The following RASSF9 variants were observed in gnomAD, a reference collection of about 807,000 sequenced individuals.
RASSF9 encodes ras association domain-containing protein 9.
Under a neutral mutation model 21.4 loss-of-function variants are expected in RASSF9, and 18 were observed. The observed-to-expected ratio is 0.84, with a 90% CI of 0.58 to 1.25. The LOEUF (loss-of-function observed/expected upper bound fraction) is 1.25, where lower values mean the gene tolerates loss of function less well. RASSF9 is among the 50% of genes most tolerant of loss of function. The pLI, the probability that RASSF9 is intolerant of heterozygous loss-of-function variation, is 0.00. For missense variants in RASSF9, 480 were observed against 503.2 expected (o/e 0.95, Z 0.44); for synonymous variants, 183 against 179.1 (o/e 1.02, Z -0.18).
chr12:85,836,030 G>C, intron 1 of RASSF9, 125 bp downstream of exon 1: 1 of 1,520,344 alleles, frequency 6.6e-7, no homozygotes, highest in Non-Finnish European at 8.8e-7. Context: ...TCCCCACGAA[G>C]CCTTTTTTTA....
In RASSF9 at chr12:85,805,069, T is replaced by G; in HGVS notation, c.941A>C (p.Asn314Thr). Residue 314 changes from asparagine to threonine, a missense_variant, in exon 2 of 2, where the codon AAT becomes ACT. Transcript: ENST00000361228. Reference sequence around the variant, plus strand: ...CAAATCACACTTAACACTCTCTAAATTAGAGCTTTCCAGTTCACTTGCAGC... The same window carrying G: ...CAAATCACACTTAACACTCTCTAAAGTAGAGCTTTCCAGTTCACTTGCAGC... ...GEAASELESS[N>T]LESVKCDLEK... The G allele has an allele frequency of 6.2e-7, 1 of 1,614,014 alleles. No individual in the cohort carries two copies. Among genetic ancestry groups the G allele is most frequent in the Non-Finnish European group, 8.5e-7 (1 of 1,179,900 alleles).
At chr12:85,827,385 C>A (rs1300197782) in intron 1 of RASSF9, among the ~76,000 whole-genome samples, 1 of 152,138 alleles carries the variant, frequency 6.6e-6, no homozygotes, top group Admixed American at 6.6e-5. Flanking sequence ...TTTGCCTATA[C>A]TACTGTAATG....
intron 1 of RASSF9, among the ~76,000 whole-genome samples, chr12:85,828,216 CAG>C (rs769866769): frequency 2.6e-5 from 4 of 151,982 alleles, no homozygotes; most frequent in Non-Finnish European, 4.4e-5. Context: ...ACAAGTCTGA[CAG>C]AGTGAGATTT....
chr12:85,829,427 T>A (rs370643694), intron 1 of RASSF9, among the ~76,000 whole-genome samples: 1 of 152,190 alleles, frequency 6.6e-6, no homozygotes, highest in East Asian at 1.9e-4. Flanking sequence ...GACAATGTTA[T>A]ATAAATACAC....
At chr12:85,819,324 C>T (rs1475724169) in intron 1 of RASSF9, among the ~76,000 whole-genome samples, 3 of 151,978 alleles carry the variant, frequency 2.0e-5, no homozygotes, top group African/African-American at 7.2e-5. Flanking sequence ...CAGGCACGAG[C>T]CACAGTGCCT....
intron 1 of RASSF9, among the ~76,000 whole-genome samples, chr12:85,815,802 T>C (rs113462165): frequency 0.069 from 10,571 of 152,144 alleles, 536 homozygotes; most frequent in Middle Eastern, 0.18. Flanking sequence ...TTGGTTTTTT[T>C]CTTGTAAATT....
At position 85,815,175 on chromosome 12, in the gene RASSF9, GA is replaced by G. The variant is rs530228710; in HGVS notation, c.48-9214del. Among the ~76,000 whole-genome samples the G allele has an allele frequency of 2.4e-3, 358 of 149,516 alleles. 1 individual carries two copies. The highest frequency in any genetic ancestry group is 8.3e-3 in the African/African-American group (341 of 40,868). On this transcript the variant is annotated intron_variant, in intron 1 of 1. Coordinates refer to ENST00000361228, the MANE Select transcript of RASSF9 (RefSeq NM_005447.4). ...ACAACTGTACGAAATGAGAGAGAGAGAAAAAAAAACCAAAAACCTCTGGTTT... is the reference window on the plus strand; with the variant it reads ...ACAACTGTACGAAATGAGAGAGAGAGAAAAAAAACCAAAAACCTCTGGTTT...
chr12:85,830,949 T>C (rs1395103914), intron 1 of RASSF9, among the ~76,000 whole-genome samples: 1 of 152,144 alleles, frequency 6.6e-6, no homozygotes, highest in East Asian at 1.9e-4. Context: ...TGTGTTTGGA[T>C]GTCAAGAAAT....
At chr12:85,832,333 C>G (rs1257656318) in intron 1 of RASSF9, among the ~76,000 whole-genome samples, 2 of 151,826 alleles carry the variant, frequency 1.3e-5, no homozygotes. Flanking sequence ...CCAACCAATT[C>G]TCTGTCTCCA....
intron 1 of RASSF9, among the ~76,000 whole-genome samples, chr12:85,820,741 A>C (rs1037180017): frequency 6.6e-6 from 1 of 152,234 alleles, no homozygotes; most frequent in African/African-American, 2.4e-5. Context: ...TACGTATTGA[A>C]CATCAATCTA....
chr12:85,819,115 CA>C (rs200876603), intron 1 of RASSF9, among the ~76,000 whole-genome samples: 2,952 of 151,836 alleles, frequency 0.019, 102 homozygotes, highest in African/African-American at 0.067. Context: ...TGTAAACCTA[CA>C]AAAAAATATA....
At chr12:85,832,092 T>G (rs2136564815) in intron 1 of RASSF9, among the ~76,000 whole-genome samples, 1 of 152,038 alleles carries the variant, frequency 6.6e-6, no homozygotes, top group East Asian at 1.9e-4. Flanking sequence ...GTACGTTTTG[T>G]GAAAGCCGAA....
chr12:85,832,247 T>C (rs1375603247), intron 1 of RASSF9, among the ~76,000 whole-genome samples: 3 of 151,928 alleles, frequency 2.0e-5, no homozygotes, highest in Non-Finnish European at 4.4e-5. Context: ...CTATTCTAAT[T>C]TCCTATTTTG....
intron 1 of RASSF9, among the ~76,000 whole-genome samples, chr12:85,817,050 C>T (rs1880086227): frequency 6.6e-6 from 1 of 152,024 alleles, no homozygotes; most frequent in Non-Finnish European, 1.5e-5. Context: ...TTATCTCAGG[C>T]TTAAATGTAT....
intron 1 of RASSF9, among the ~76,000 whole-genome samples, chr12:85,812,008 T>C (rs1345596487): frequency 6.6e-6 from 1 of 151,774 alleles, no homozygotes; most frequent in Non-Finnish European, 1.5e-5. Flanking sequence ...AACTAGTTTG[T>C]CCATTTCAAG....
intron 1 of RASSF9, 51 bp downstream of exon 1, chr12:85,836,102 GAC>G (rs144771248): frequency 5.4e-4 from 769 of 1,411,812 alleles, no homozygotes; most frequent in Middle Eastern, 1.6e-3. Context: ...ACACACACAA[GAC>G]ACACACACAC....
At chr12:85,809,018 G>A (rs761247986) in intron 1 of RASSF9, among the ~76,000 whole-genome samples, 12 of 151,992 alleles carry the variant, frequency 7.9e-5, no homozygotes, top group Admixed American at 1.3e-4. Flanking sequence ...GGCACTGTTC[G>A]AATCTCTTGC....
chr12:85,813,661 A>G lies in RASSF9; in HGVS notation c.48-7699T>C, dbSNP rs544898237. On this transcript the variant is annotated intron_variant, in intron 1 of 1. Transcript: ENST00000361228. The stretch of plus-strand genomic sequence containing the variant: ...TCTGGAAAATCAATCAAAGAGCAAA[A>G]TTTCTTCCTAGTGTATAGTAAACAC... Among the ~76,000 whole-genome samples the G allele has an allele frequency of 7.9e-5, 12 of 151,984 alleles. No homozygotes were observed. The East Asian group carries it at 1.7e-3, about 22-fold the overall frequency.
At chr12:85,819,601 A>T (rs1022414408) in intron 1 of RASSF9, among the ~76,000 whole-genome samples, 1 of 152,240 alleles carries the variant, frequency 6.6e-6, no homozygotes, top group South Asian at 2.1e-4. Flanking sequence ...GGGTGAATGA[A>T]TAAGTACAGA....
Sources: gnomAD v4.1 joint callset for allele counts (sites outside exome capture counted in the v4.1 genomes callset) on GRCh38, gnomAD v4.1.1 for gene constraint, MANE v1.5 for transcripts, NCBI Gene and HGNC (gene_info 2026-07-23, HGNC 2026-07-21) for gene names.